DHX36: variants seen among roughly 807,000 people sequenced by gnomAD.
The protein encoded by DHX36 is DEAH-box helicase 36.
DHX36 carries 50 observed loss-of-function variants against 139.0 expected under a neutral mutation model. That is an observed-to-expected ratio of 0.36 (90% CI 0.29 to 0.46). The LOEUF is 0.46. Ranked by LOEUF, DHX36 falls within the 20% of genes least tolerant of loss-of-function variation. DHX36 has a pLI of 1.00. For missense variants in DHX36, 1,024 were observed against 1,211.3 expected, an observed-to-expected ratio of 0.85 and a Z score of 2.29; for synonymous variants, 425 against 401.9, an observed-to-expected ratio of 1.06 and a Z score of -0.69.
intron 5 of DHX36, among the ~76,000 whole-genome samples, chr3:154,306,651 A>C (rs1219069370): frequency 6.6e-6 from 1 of 151,942 alleles, no homozygotes; most frequent in Non-Finnish European, 1.5e-5. Context: ...ACATATTGAT[A>C]CTCTTCCCTT....
At chr3:154,285,614 C>G (rs1429195301) in intron 17 of DHX36, among the ~76,000 whole-genome samples, 1 of 151,926 alleles carries the variant, frequency 6.6e-6, no homozygotes, top group Admixed American at 6.6e-5. Context: ...GAACATAAAA[C>G]CTTGCTGAAA....
At chr3:154,302,428 T>C (rs1712333686) in intron 9 of DHX36, among the ~76,000 whole-genome samples, 1 of 152,158 alleles carries the variant, frequency 6.6e-6, no homozygotes, top group Non-Finnish European at 1.5e-5. Flanking sequence ...GACACATTGT[T>C]TTATTTTTTT....
At position 154,283,274 on chromosome 3, in the gene DHX36, A is replaced by G. The variant is rs1346378759; in HGVS notation, c.2293-3T>C. The stretch of plus-strand genomic sequence containing the variant: ...CGTCGCCTAGCCTCTTCCCAGCCCT[A>G]TGGGGCAAAGAAATGAAGAAATCTA... On this transcript the variant is annotated splice_polypyrimidine_tract_variant and splice_region_variant and intron_variant, in intron 19 of 24. Transcript: ENST00000496811. 3.1e-6 allele frequency: 5 copies of G among 1,603,928 alleles called. No individual in the cohort carries two copies. The South Asian group carries it at 4.4e-5, about 14-fold the overall frequency.
chr3:154,289,853 A>C, intron 15 of DHX36, 27 bp from the exon 16 acceptor site: 2 of 1,383,254 alleles, frequency 1.4e-6, no homozygotes, highest in Non-Finnish European at 2.0e-6. Flanking sequence ...AACAAAATGA[A>C]ACAAAGAGGG....
chr3:154,299,108 C>T (rs1237845163), intron 12 of DHX36, among the ~76,000 whole-genome samples: 1 of 151,730 alleles, frequency 6.6e-6, no homozygotes, highest in Non-Finnish European at 1.5e-5. Flanking sequence ...CCCATCTCTA[C>T]TAAAAATGCA....
chr3:154,324,027 G>A (rs2108373659), intron 1 of DHX36, 147 bp downstream of exon 1: 2 of 952,534 alleles, frequency 2.1e-6, no homozygotes, highest in Non-Finnish European at 1.6e-6. Flanking sequence ...CCGCTACGGG[G>A]AGCGCCAGCA....
In DHX36 at chr3:154,315,228, C is replaced by T; in HGVS notation, c.421G>A (p.Asp141Asn). 6.2e-7 allele frequency: 1 copy of T among 1,613,282 alleles called. No homozygotes were observed. The highest frequency in any genetic ancestry group is 8.5e-7 in the Non-Finnish European group (1 of 1,179,640). The change falls in exon 3 of 25, where the codon GAC (aspartate) becomes AAC (asparagine). Residue 141 changes from aspartate to asparagine, a missense_variant. Asp to Asn is a conservative substitution (Grantham distance 23, BLOSUM62 1). Transcript: ENST00000496811. ...TTTATCAACTTCTTTTCCTGGATGT[C>T]AAGTTTGTTCTCTGAGCATGGTGTG... Reference protein sequence around the residue: ...KNTPCSENKLDIQEKKLINQE... With the variant: ...KNTPCSENKLNIQEKKLINQE...
rs116672287 is a variant in DHX36 at position 154,301,425 on chromosome 3, G to A, written c.1218-298C>T. On this transcript the variant is annotated intron_variant, in intron 9 of 24. Coordinates refer to ENST00000496811, the MANE Select transcript of DHX36 (RefSeq NM_020865.3). The stretch of plus-strand genomic sequence containing the variant: ...TACCTTCTATTTTAAGTTTGCTTTA[G>A]AACAAAAGTTAATATTAATGTTAAG... Among the ~76,000 whole-genome samples, 1,054 of 152,224 alleles carry A rather than the reference G, an allele frequency of 6.9e-3. 6 individuals carry two copies. The highest frequency in any genetic ancestry group is 9.7e-3 in the Non-Finnish European group (660 of 68,004).
At chr3:154,302,318 C>A (rs1712329802) in intron 9 of DHX36, among the ~76,000 whole-genome samples, 1 of 152,144 alleles carries the variant, frequency 6.6e-6, no homozygotes, top group South Asian at 2.1e-4. Context: ...AGTTGCCATA[C>A]CCTGGTACAT....
At chr3:154,300,832 C>A in intron 10 of DHX36, 136 bp from the exon 11 acceptor site, 2 of 1,274,510 alleles carry the variant, frequency 1.6e-6, no homozygotes, top group Non-Finnish European at 2.2e-6. Flanking sequence ...GGGGTAATTA[C>A]TGCTTAAAAG....
rs970803871 is a variant in DHX36, at chr3:154,315,049, C to A, written c.600G>T (p.Met200Ile). ...TTTTTTGACATCTTTCTACTACCTG[C>A]ATTTCAATATACCGAAGGTCATTTT... The part of the protein sequence containing the change: ...KKKNDLRYIE[M>I]QHFREKLPSY... The change falls in exon 3 of 25, where the codon ATG (methionine) becomes ATT (isoleucine). Residue 200 changes from methionine (M) to isoleucine (I), a missense_variant. Transcript: ENST00000496811. The A allele has an allele frequency of 5.1e-6, 8 of 1,580,880 alleles. No individual in the cohort carries two copies. In the African/African-American group the frequency reaches 9.6e-5, roughly 19 times the overall value.
intron 12 of DHX36, among the ~76,000 whole-genome samples, chr3:154,298,315 A>T (rs1712125506): frequency 6.6e-6 from 1 of 152,180 alleles, no homozygotes; most frequent in African/African-American, 2.4e-5. Flanking sequence ...CTATACAATA[A>T]TGTTTATAAT....
chr3:154,276,102 C>T lies in DHX36; in HGVS notation c.*69G>A. 2.6e-6 allele frequency: 4 copies of T among 1,511,418 alleles called. No individual in the cohort carries two copies. The highest frequency in any genetic ancestry group is 3.6e-6 in the Non-Finnish European group (4 of 1,117,814). The allele number at this position is 1,511,418 out of a possible 1,614,324, so 93.6% of individuals were successfully genotyped here. A position where few individuals can be genotyped will look rare whatever the true frequency, so the allele number is the denominator to read the frequency against. Reference sequence around the variant, plus strand: ...TGTTCATGTCCCAGGGTTTGGCATCCAGCCAAAATTTAAACAATGATGAAG... The same window carrying T: ...TGTTCATGTCCCAGGGTTTGGCATCTAGCCAAAATTTAAACAATGATGAAG... On this transcript the variant is annotated 3_prime_UTR_variant, in exon 25 of 25. Transcript: ENST00000496811.
At chr3:154,311,777 A>G (rs1471352103) in intron 3 of DHX36, 103 bp from the exon 4 acceptor site, 2 of 808,332 alleles carry the variant, frequency 2.5e-6, no homozygotes, top group East Asian at 6.0e-5. Context: ...AGAATCCGAA[A>G]GTATTTTTAT....
chr3:154,277,478 C>T lies in DHX36; in HGVS notation c.2688+120G>A, dbSNP rs932949357. The T allele has an allele frequency of 5.1e-5, 46 of 896,056 alleles. 1 individual carries two copies. The highest frequency in any genetic ancestry group is 2.9e-4 in the South Asian group (8 of 27,492). 55.5% of individuals were successfully genotyped at this position (896,056 alleles called of 1,614,324 possible). A position where few individuals can be genotyped will look rare whatever the true frequency, so the allele number is the denominator to read the frequency against. ...TTTGTTAGAGGGAAAAAGTTACTCA[C>T]GTCACAGGAATAAGACACAACAAAA... On this transcript the variant is annotated intron_variant, in intron 23 of 24. Coordinates refer to ENST00000496811, the MANE Select transcript of DHX36 (RefSeq NM_020865.3).
At chr3:154,284,256 T>G (rs1016493151) in intron 19 of DHX36, among the ~76,000 whole-genome samples, 2 of 152,108 alleles carry the variant, frequency 1.3e-5, no homozygotes, top group African/African-American at 2.4e-5. Flanking sequence ...TTCAGCTCAC[T>G]GCAACCACCG....
intron 5 of DHX36, among the ~76,000 whole-genome samples, chr3:154,307,641 A>G (rs1015176949): frequency 1.3e-5 from 2 of 152,154 alleles, no homozygotes; most frequent in African/African-American, 4.8e-5. Flanking sequence ...ACATGGATAA[A>G]AGAGAACTCT....
chr3:154,307,975 A>G (rs1357278070), intron 5 of DHX36, among the ~76,000 whole-genome samples: 1 of 152,182 alleles, frequency 6.6e-6, no homozygotes, highest in Non-Finnish European at 1.5e-5. Context: ...AAATAGACAC[A>G]AAAAGACAAA....
chr3:154,324,297 G>GCCGCCT lies in DHX36; in HGVS notation c.114_119dup (p.Gly45_Gly46dup). On this transcript the variant is annotated inframe_insertion, in exon 1 of 25. Coordinates refer to ENST00000496811, the MANE Select transcript of DHX36 (RefSeq NM_020865.3). ...CGCCTCGACCACCCCCTCCGCCGCC[G>GCCGCCT]CCGCCTCCTCCGGAGCCTCGGTTAC... is the stretch of plus-strand genomic sequence containing the variant. 1.2e-6 allele frequency: 2 copies of GCCGCCT among 1,609,234 alleles called. No individual in the cohort carries two copies. The highest frequency in any genetic ancestry group is 2.2e-5 in the East Asian group (1 of 44,726).
Sources: allele counts gnomAD v4.1 joint callset (sites outside exome capture counted in the v4.1 genomes callset), GRCh38; gene constraint gnomAD v4.1.1; transcripts MANE v1.5; gene names NCBI Gene and HGNC (gene_info 2026-07-23, HGNC 2026-07-21).